GLG1: variants seen among roughly 807,000 people sequenced by gnomAD.
The protein encoded by GLG1 is Golgi apparatus protein 1.
In GLG1, 38 loss-of-function variants were observed where a neutral mutation model predicts 160.5. That is an observed-to-expected ratio of 0.24 (90% CI 0.18 to 0.31). The LOEUF (loss-of-function observed/expected upper bound fraction) is 0.31, where lower values mean the gene tolerates loss of function less well. GLG1 is among the 10% of genes least tolerant of loss of function. GLG1 has a pLI of 1.00. For missense variants in GLG1, 1,373 were observed against 1,505.2 expected, an observed-to-expected ratio of 0.91 and a Z score of 1.45; for synonymous variants, 644 against 543.4, an observed-to-expected ratio of 1.19 and a Z score of -2.57.
intron 1 of GLG1, among the ~76,000 whole-genome samples, chr16:74,546,765 G>A (rs1194279944): frequency 6.9e-6 from 1 of 145,840 alleles, no homozygotes; most frequent in African/African-American, 2.5e-5. Flanking sequence ...TTGAACCTGG[G>A]AAGCGGAGGT....
rs372092102 is a variant in GLG1, at chr16:74,544,395, C to A, written c.439-12242G>T. ...ATGGCACAATCTCGGCTCACCACAA[C>A]CTCCACCTCCTAGGTTCACGCGAAT... On this transcript the variant is annotated intron_variant, in intron 1 of 25. Transcript: ENST00000422840. Among the ~76,000 whole-genome samples, 31 of 152,328 alleles carry A rather than the reference C, an allele frequency of 2.0e-4. No individual in the cohort carries two copies. The East Asian group carries it at 2.9e-3, about 14-fold the overall frequency.
intron 9 of GLG1, among the ~76,000 whole-genome samples, chr16:74,484,012 GA>G (rs2015700574): frequency 7.0e-6 from 1 of 142,424 alleles, no homozygotes; most frequent in African/African-American, 2.5e-5. Flanking sequence ...TCAGGATCCA[GA>G]AAAGGTTAAC....
intron 1 of GLG1, among the ~76,000 whole-genome samples, chr16:74,542,916 C>T (rs865920309): frequency 3.3e-5 from 5 of 152,190 alleles, no homozygotes; most frequent in Non-Finnish European, 7.3e-5. Context: ...ACCAATCCAA[C>T]TTTGTTACTT....
intron 16 of GLG1, chr16:74,469,607 A>C (rs527824492): frequency 4.6e-6 from 1 of 215,220 alleles, no homozygotes; most frequent in Non-Finnish European, 9.4e-6. Flanking sequence ...TATCTAATCC[A>C]ATACAAAAAC....
intron 1 of GLG1, among the ~76,000 whole-genome samples, chr16:74,568,812 G>A (rs1341923334): frequency 6.6e-6 from 1 of 152,180 alleles, no homozygotes; most frequent in African/African-American, 2.4e-5. Flanking sequence ...AATAAGTGCA[G>A]TTATCTGCTT....
In GLG1 at chr16:74,477,429, T is replaced by C. The variant is rs372934529; in HGVS notation, c.1932A>G (p.Gly644=). ...ALQDKCLIDL[G]KWCSEKTETG... ...TCTCTGTTTTCTCACTGCACCATTT[T>C]CCCAGATCAATCAGGCACTTATCCT... is the stretch of plus-strand genomic sequence containing the variant. The change falls in exon 12 of 26, where the codon GGA becomes GGG. Residue 644 remains glycine (G), a synonymous_variant. Transcript: ENST00000422840. 1.3e-5 allele frequency: 21 copies of C among 1,612,786 alleles called. No individual in the cohort carries two copies. Among genetic ancestry groups the C allele is most frequent in the South Asian group, 2.2e-5 (2 of 91,048 alleles).
intron 24 of GLG1, 59 bp downstream of exon 24, chr16:74,457,815 G>C: frequency 6.6e-7 from 1 of 1,520,846 alleles, no homozygotes; most frequent in East Asian, 2.3e-5. Context: ...GTCTAAGAGG[G>C]AGTCTTTGCT....
At chr16:74,587,125 T>C (rs2143844298) in intron 1 of GLG1, among the ~76,000 whole-genome samples, 1 of 152,280 alleles carries the variant, frequency 6.6e-6, no homozygotes, top group East Asian at 1.9e-4. Flanking sequence ...CTATCTCCCT[T>C]ACTCCCATTG....
Position 74,452,084 on chromosome 16 carries a change from G to A in GLG1, c.*1083C>T. ...GGCTGGACTGCCTGTCACATCCTGAGACCACACTAAACCTTTATAAGCCAT... is the reference window on the plus strand; with the variant it reads ...GGCTGGACTGCCTGTCACATCCTGAAACCACACTAAACCTTTATAAGCCAT... On this transcript the variant is annotated 3_prime_UTR_variant, in exon 26 of 26. Coordinates refer to ENST00000422840, the MANE Select transcript of GLG1 (RefSeq NM_001145667.2). The A allele has an allele frequency of 6.2e-7, 1 of 1,613,918 alleles. No homozygotes were observed. The highest frequency in any genetic ancestry group is 1.1e-5 in the South Asian group (1 of 91,058).
chr16:74,452,998 C>A lies in GLG1; in HGVS notation c.*169G>T. On this transcript the variant is annotated 3_prime_UTR_variant, in exon 26 of 26. Transcript: ENST00000422840. ...CTGCACGGTGAGGAGGAGGAGGACACCATGGACACGAGTGGAGGCTGGATG... is the reference window on the plus strand; with the variant it reads ...CTGCACGGTGAGGAGGAGGAGGACAACATGGACACGAGTGGAGGCTGGATG... 1 of 1,351,134 alleles carries A rather than the reference C, an allele frequency of 7.4e-7. No homozygotes were observed. Among genetic ancestry groups the A allele is most frequent in the Non-Finnish European group, 9.5e-7 (1 of 1,050,710 alleles). 83.7% of individuals were successfully genotyped at this position (1,351,134 alleles called of 1,614,324 possible). A position where few individuals can be genotyped will look rare whatever the true frequency, so the allele number is the denominator to read the frequency against.
At chr16:74,534,688 T>G (rs2017638362) in intron 1 of GLG1, among the ~76,000 whole-genome samples, 1 of 152,010 alleles carries the variant, frequency 6.6e-6, no homozygotes, top group African/African-American at 2.4e-5. Flanking sequence ...CATAGGATTT[T>G]ACATCCAGAT....
intron 1 of GLG1, among the ~76,000 whole-genome samples, chr16:74,561,173 G>A (rs1167851051): frequency 1.4e-4 from 21 of 152,172 alleles, no homozygotes; most frequent in Admixed American, 1.3e-3. Context: ...TGTCAGAGCT[G>A]GGCATGGGGG....
intron 1 of GLG1, among the ~76,000 whole-genome samples, chr16:74,590,553 G>C (rs1453228211): frequency 1.3e-5 from 2 of 150,136 alleles, no homozygotes; most frequent in East Asian, 4.0e-4. Flanking sequence ...TCCAGGAGGC[G>C]GAGCTTCCAG....
chr16:74,590,806 A>G (rs1958162648), intron 1 of GLG1, among the ~76,000 whole-genome samples: 1 of 150,628 alleles, frequency 6.6e-6, no homozygotes, highest in South Asian at 2.1e-4. Flanking sequence ...AAAAAAAAAA[A>G]AAAAAGAAAA....
At chr16:74,499,263 CAG>C (rs1675959638) in intron 4 of GLG1, among the ~76,000 whole-genome samples, 2 of 152,040 alleles carry the variant, frequency 1.3e-5, no homozygotes, top group East Asian at 1.9e-4. Flanking sequence ...ATTTAAGAGA[CAG>C]GGTCTTGCTC....
intron 3 of GLG1, among the ~76,000 whole-genome samples, chr16:74,508,380 G>A (rs1413441019): frequency 1.3e-5 from 2 of 148,150 alleles, no homozygotes; most frequent in Non-Finnish European, 3.0e-5. Flanking sequence ...AATATTATTT[G>A]TTGTTTACAC....
chr16:74,470,223 T>C (rs2015147446), intron 15 of GLG1, 150 bp from the exon 16 acceptor site: 2 of 627,602 alleles, frequency 3.2e-6, no homozygotes. Context: ...CCTGCTCATC[T>C]CTCCAGTACT....
chr16:74,556,954 T>G (rs1338406340), intron 1 of GLG1, among the ~76,000 whole-genome samples: 2 of 151,962 alleles, frequency 1.3e-5, no homozygotes, highest in East Asian at 3.9e-4. Context: ...TTCTCATAAA[T>G]AAAATATATT....
At chr16:74,485,038 C>A (rs565151791) in intron 9 of GLG1, among the ~76,000 whole-genome samples, 1 of 152,178 alleles carries the variant, frequency 6.6e-6, no homozygotes, top group South Asian at 2.1e-4. Flanking sequence ...ATCAACCTCC[C>A]AAGGGGATGG....
Sources: allele counts gnomAD v4.1 joint callset (sites outside exome capture counted in the v4.1 genomes callset), GRCh38; gene constraint gnomAD v4.1.1; transcripts MANE v1.5; gene names NCBI Gene and HGNC (gene_info 2026-07-23, HGNC 2026-07-21).